TREML4: variants seen among roughly 807,000 people sequenced by gnomAD.
TREML4 encodes the protein triggering receptor expressed on myeloid cells like 4.
In TREML4, 25 loss-of-function variants were observed where a neutral mutation model predicts 25.4. That is an observed-to-expected ratio of 0.98 (90% confidence interval 0.72 to 1.37). The LOEUF (loss-of-function observed/expected upper bound fraction) is 1.37, where lower values mean the gene tolerates loss of function less well. Ranked by LOEUF, TREML4 falls within the 40% of genes most tolerant of loss-of-function variation. The pLI, the probability that TREML4 is intolerant of heterozygous loss-of-function variation, is 0.00. For synonymous variants in TREML4, 92 were observed against 87.9 expected (o/e 1.05, Z -0.26); for missense variants, 268 against 236.5 (o/e 1.13, Z -0.87).
At chr6:41,229,079 AC>A (rs749832695) in intron 2 of TREML4, 35 bp downstream of exon 2, 6 of 1,560,394 alleles carry the variant, frequency 3.8e-6, no homozygotes, top group Non-Finnish European at 2.6e-6. Context: ...CCTCTGTGCC[AC>A]CCCCCAGGGA....
intron 3 of TREML4, 27 bp downstream of exon 3, chr6:41,229,598 G>T: frequency 6.2e-7 from 1 of 1,612,642 alleles, no homozygotes; most frequent in Non-Finnish European, 8.5e-7. Flanking sequence ...GGTGGGGGAA[G>T]ATTAGAAGGG....
At chr6:41,229,156 C>A in intron 2 of TREML4, 112 bp downstream of exon 2, 1 of 949,658 alleles carries the variant, frequency 1.1e-6, no homozygotes, top group Non-Finnish European at 1.6e-6. Context: ...AGGTATTCTG[C>A]TGTGGTCCAA....
At position 41,238,330 on chromosome 6, in the gene TREML4, TA is replaced by T. The variant is rs1766939864; in HGVS notation, c.*1312del. 5 of 152,228 alleles carry T rather than the reference TA, an allele frequency of 3.3e-5. No homozygotes were observed. The highest frequency in any genetic ancestry group is 1.3e-4 in the Admixed American group (2 of 15,280). The allele number at this position is 152,228 out of a possible 1,614,324, so 9.4% of individuals were successfully genotyped here. A position where few individuals can be genotyped will look rare whatever the true frequency, so the allele number is the denominator to read the frequency against. ...GAATGTATTCTTGTAAAACATCCAG[TA>T]TTTTTTTTTCTGTGACTATGTTTTC... On this transcript the variant is annotated 3_prime_UTR_variant, in exon 6 of 6. Coordinates refer to ENST00000341495, the MANE Select transcript of TREML4 (RefSeq NM_198153.3).
At position 41,236,623 on chromosome 6, in the gene TREML4, G is replaced by C; in HGVS notation, c.*35+6G>C. ...CTGATCTGCAGGTGCCACAGGTGAG[G>C]GGGCCTGGATTTCACCTGGGGGCAA... On this transcript the variant is annotated splice_donor_region_variant and intron_variant, in intron 5 of 5. Transcript: ENST00000341495. 6.5e-7 allele frequency: 1 copy of C among 1,531,020 alleles called. No homozygotes were observed. Among genetic ancestry groups the C allele is most frequent in the Non-Finnish European group, 9.0e-7 (1 of 1,106,426 alleles). 94.8% of individuals were successfully genotyped at this position (1,531,020 alleles called of 1,614,324 possible). A position where few individuals can be genotyped will look rare whatever the true frequency, so the allele number is the denominator to read the frequency against.
Position 41,228,489 on chromosome 6 carries a change from A to G in TREML4, c.62A>G (p.Gln21Arg), listed in dbSNP as rs762250285. ...FHLCCCCSWP[Q>R]GAVPEELHKH... is the part of the protein sequence containing the mutation. ...CTGTGCTGCTGCTGCTCCTGGCCTC[A>G]GGTGACATGGAGGGAAAGAGTGCAG... Residue 21 changes from glutamine to arginine, a missense_variant and splice_region_variant, in exon 1 of 6, where the codon CAG becomes CGG. Transcript: ENST00000341495. 53 of 1,612,396 alleles carry G rather than the reference A, an allele frequency of 3.3e-5. No individual in the cohort carries two copies. Among genetic ancestry groups the G allele is most frequent in the Middle Eastern group, 3.3e-4 (2 of 6,076 alleles).
intron 4 of TREML4, among the ~76,000 whole-genome samples, chr6:41,232,978 C>T (rs967625865): frequency 6.6e-6 from 1 of 152,104 alleles, no homozygotes; most frequent in Non-Finnish European, 1.5e-5. Flanking sequence ...CTGTTCTAGA[C>T]AATAACAACA....
chr6:41,236,433 A>T, intron 4 of TREML4, 53 bp from the exon 5 acceptor site: 1 of 1,507,132 alleles, frequency 6.6e-7, no homozygotes, highest in African/African-American at 1.4e-5. Context: ...ACACCGCAGG[A>T]GGTGGTGACA....
intron 2 of TREML4, 81 bp from the exon 3 acceptor site, chr6:41,229,440 C>T (rs909994985): frequency 6.0e-6 from 9 of 1,509,190 alleles, no homozygotes; most frequent in Non-Finnish European, 8.3e-6. Context: ...CTCTGGGCCC[C>T]TACCTCCTCT....
At chr6:41,236,165 G>A (rs530545363) in intron 4 of TREML4, among the ~76,000 whole-genome samples, 163 of 108,640 alleles carry the variant, frequency 1.5e-3, no homozygotes, top group Admixed American at 5.2e-3. Flanking sequence ...CCTAAGGTCG[G>A]ATGGTCCCAT....
chr6:41,234,514 C>CAAAAGAAGAT (rs200443049), intron 4 of TREML4, among the ~76,000 whole-genome samples: 51,316 of 129,000 alleles, frequency 0.4, 8,709 homozygotes, highest in East Asian at 0.48. Flanking sequence ...CTTGTCAAGA[C>CAAAAGAAGAT]AAAAGAAGAT....
In TREML4 at chr6:41,238,739, C is replaced by T. The variant is rs1766947931; in HGVS notation, c.*1720C>T. ...GTCTATGTGAAGTACACAGCACAAC[C>T]TATGGAATGGTATTGCCAATTAAAA... is the stretch of plus-strand genomic sequence containing the variant. On this transcript the variant is annotated 3_prime_UTR_variant, in exon 6 of 6. Transcript: ENST00000341495. 2 of 152,018 alleles carry T rather than the reference C, an allele frequency of 1.3e-5. No individual in the cohort carries two copies. Among genetic ancestry groups the T allele is most frequent in the South Asian group, 2.1e-4 (1 of 4,816 alleles). 9.4% of individuals were successfully genotyped at this position (152,018 alleles called of 1,614,324 possible). A position where few individuals can be genotyped will look rare whatever the true frequency, so the allele number is the denominator to read the frequency against.
chr6:41,234,274 C>T (rs6920633), intron 4 of TREML4, among the ~76,000 whole-genome samples: 51,368 of 151,774 alleles, frequency 0.34, 8,672 homozygotes, highest in Middle Eastern at 0.43. Flanking sequence ...AATATGACCA[C>T]TATATATCAA....
chr6:41,231,493 G>T (rs756992513), intron 4 of TREML4, among the ~76,000 whole-genome samples: 6 of 152,134 alleles, frequency 3.9e-5, no homozygotes, highest in Non-Finnish European at 8.8e-5. Flanking sequence ...ATAGAAACCT[G>T]TGAAGCAGAA....
chr6:41,229,126 C>G (rs1766737572), intron 2 of TREML4, 82 bp downstream of exon 2: 3 of 1,241,386 alleles, frequency 2.4e-6, no homozygotes, highest in African/African-American at 3.0e-5. Flanking sequence ...TCCCATGCCT[C>G]TATCATCCCC....
chr6:41,236,397 C>A, intron 4 of TREML4, 89 bp from the exon 5 acceptor site: 3 of 1,134,352 alleles, frequency 2.6e-6, no homozygotes, highest in South Asian at 2.6e-5. Flanking sequence ...ACAGCTCCAG[C>A]TACAAGGGGC....
intron 5 of TREML4, 137 bp downstream of exon 5, chr6:41,236,754 C>T (rs1766912480): frequency 1.7e-6 from 1 of 571,642 alleles, no homozygotes; most frequent in Non-Finnish European, 3.1e-6. Flanking sequence ...AGTGTGTTTC[C>T]TTGCAATCTC....
chr6:41,229,448 T>C (rs941411777), intron 2 of TREML4, 73 bp from the exon 3 acceptor site: 7 of 1,553,934 alleles, frequency 4.5e-6, no homozygotes, highest in East Asian at 2.2e-5. Flanking sequence ...CCCTACCTCC[T>C]CTTATGTATG....
chr6:41,235,481 G>T (rs2113943377), intron 4 of TREML4, among the ~76,000 whole-genome samples: 1 of 152,258 alleles, frequency 6.6e-6, no homozygotes, highest in African/African-American at 2.4e-5. Flanking sequence ...TAGCAAGGCT[G>T]CCAGATACAA....
intron 4 of TREML4, among the ~76,000 whole-genome samples, chr6:41,231,372 C>G (rs1473233216): frequency 1.3e-5 from 2 of 151,866 alleles, no homozygotes; most frequent in African/African-American, 4.8e-5. Context: ...TCGGTTCTTC[C>G]CCATTACCAG....
Sources: gnomAD v4.1 joint callset for allele counts (sites outside exome capture counted in the v4.1 genomes callset) on GRCh38, gnomAD v4.1.1 for gene constraint, MANE v1.5 for transcripts, NCBI Gene and HGNC (gene_info 2026-07-23, HGNC 2026-07-21) for gene names.